Variants in ALDH16A1 observed in about 807,000 individuals in gnomAD.
ALDH16A1 encodes the protein aldehyde dehydrogenase family 16 member A1.
Under a neutral mutation model 96.1 loss-of-function variants are expected in ALDH16A1, and 88 were observed. The observed-to-expected ratio is 0.92, with a 90% CI of 0.77 to 1.09. The LOEUF (loss-of-function observed/expected upper bound fraction) is 1.09. Ranked by LOEUF, ALDH16A1 falls within the 50% of genes least tolerant of loss-of-function variation. The pLI, the probability that ALDH16A1 is intolerant of heterozygous loss-of-function variation, is 0.00. For missense variants in ALDH16A1, 1,250 were observed against 1,112.6 expected (o/e 1.12, Z -1.76); for synonymous variants, 522 against 496.4 (o/e 1.05, Z -0.69).
At position 49,464,204 on chromosome 19, in the gene ALDH16A1, C is replaced by A. The variant is rs1000334154; in HGVS notation, c.1272C>A (p.Arg424=). The change falls in exon 10 of 17, where the codon CGC becomes CGA. Residue 424 remains arginine (R), a synonymous_variant. Coordinates refer to ENST00000293350, the MANE Select transcript of ALDH16A1 (RefSeq NM_153329.4). ...TGTTGGTGGCCAACGGGACGCCCCG[C>A]GGGGGCAGCGCCAGTGTGTGGAGCG... is the stretch of plus-strand genomic sequence containing the variant. The part of the protein sequence containing the change: ...EALLVANGTP[R]GGSASVWSER... The A allele has an allele frequency of 6.2e-7, 1 of 1,605,912 alleles. No individual in the cohort carries two copies. The highest frequency in any genetic ancestry group is 8.5e-7 in the Non-Finnish European group (1 of 1,179,372).
rs891709700 is a variant in ALDH16A1, at chr19:49,468,035, C to T, written c.1939-346C>T. Among the ~76,000 whole-genome samples the T allele has an allele frequency of 5.9e-5, 9 of 151,486 alleles. No individual in the cohort carries two copies. Among genetic ancestry groups the T allele is most frequent in the Non-Finnish European group, 1.2e-4 (8 of 67,910 alleles). On this transcript the variant is annotated intron_variant, in intron 14 of 16. Transcript: ENST00000293350. This position sits in a 1 kb window ranked among gnomAD's most constrained non-coding sequence, Gnocchi z 4.4. ...ATTAGCCGGGCATGGTGGCAGGTGCCTGTAGTCTCAGCTACTCAGGAGACT... is the reference window on the plus strand; with the variant it reads ...ATTAGCCGGGCATGGTGGCAGGTGCTTGTAGTCTCAGCTACTCAGGAGACT...
chr19:49,459,821 G>A lies in ALDH16A1; in HGVS notation c.472G>A (p.Glu158Lys). The change falls in exon 4 of 17, where the codon GAG (glutamate) becomes AAG (lysine). Residue 158 changes from glutamate to lysine, a missense_variant. Physicochemically the swap from Glu to Lys is moderately conservative, Grantham distance 56. Coordinates refer to ENST00000293350, the MANE Select transcript of ALDH16A1 (RefSeq NM_153329.4). The surrounding 1 kb of genome is among the most constrained non-coding windows in gnomAD (Gnocchi z 4.1). Reference protein sequence around the residue: ...YHAIQASTQEEALAGWEPMGV... With the variant: ...YHAIQASTQEKALAGWEPMGV... ...TGCAATCCAGGCATCCACCCAGGAG[G>A]AGGCACTGGCAGGCTGGGAGCCCAT... The A allele has an allele frequency of 6.2e-7, 1 of 1,613,422 alleles. No individual in the cohort carries two copies. Among genetic ancestry groups the A allele is most frequent in the African/African-American group, 1.3e-5 (1 of 75,012 alleles).
chr19:49,459,658 C>A lies in ALDH16A1; in HGVS notation c.321-12C>A. ...CCGTTGGAAAATGAGCACCCTCTTG[C>A]TTTCTCGACAGGCTGGCCGAGGTGA... On this transcript the variant is annotated splice_polypyrimidine_tract_variant and intron_variant, in intron 3 of 16. Transcript: ENST00000293350. The surrounding 1 kb of genome is among the most constrained non-coding windows in gnomAD (Gnocchi z 4.1). The A allele has an allele frequency of 6.3e-7, 1 of 1,599,058 alleles. No homozygotes were observed. Among genetic ancestry groups the A allele is most frequent in the Non-Finnish European group, 8.5e-7 (1 of 1,172,810 alleles).
Position 49,468,782 on chromosome 19 carries a change from C to T in ALDH16A1, c.2125-82C>T. On this transcript the variant is annotated intron_variant, in intron 15 of 16. Coordinates refer to ENST00000293350, the MANE Select transcript of ALDH16A1 (RefSeq NM_153329.4). This position sits in a 1 kb window ranked among gnomAD's most constrained non-coding sequence, Gnocchi z 4.4. ...TCCTCCATGACCCCCCATCCCCTTCCCTCCCATGGGCACCCCCTGAATGCC... is the reference window on the plus strand; with the variant it reads ...TCCTCCATGACCCCCCATCCCCTTCTCTCCCATGGGCACCCCCTGAATGCC... 6.6e-7 allele frequency: 1 copy of T among 1,515,620 alleles called. No homozygotes were observed. Among genetic ancestry groups the T allele is most frequent in the Non-Finnish European group, 9.0e-7 (1 of 1,113,438 alleles). 93.9% of individuals were successfully genotyped at this position (1,515,620 alleles called of 1,614,324 possible). A position where few individuals can be genotyped will look rare whatever the true frequency, so the allele number is the denominator to read the frequency against.
At chr19:49,462,100 C>T in intron 7 of ALDH16A1, 64 bp downstream of exon 7, 9 of 1,461,236 alleles carry the variant, frequency 6.2e-6, no homozygotes, top group Non-Finnish European at 8.1e-6. Flanking sequence ...CTCCAGTCTT[C>T]GGGGTCCCGA....
Position 49,453,329 on chromosome 19 carries a change from G to T in ALDH16A1, c.-3G>T. On this transcript the variant is annotated 5_prime_UTR_variant, in exon 1 of 17. Coordinates refer to ENST00000293350, the MANE Select transcript of ALDH16A1 (RefSeq NM_153329.4). Reference sequence around the variant, plus strand: ...TCTTCGCGGAAAGCGTTCGGGGTAGGCGATGGCTGCGACGCGTGCAGGGCC... The same window carrying T: ...TCTTCGCGGAAAGCGTTCGGGGTAGTCGATGGCTGCGACGCGTGCAGGGCC... 1 of 1,562,366 alleles carries T rather than the reference G, an allele frequency of 6.4e-7. No individual in the cohort carries two copies.
chr19:49,459,647 G>T lies in ALDH16A1; in HGVS notation c.321-23G>T. The T allele has an allele frequency of 6.3e-7, 1 of 1,585,964 alleles. No individual in the cohort carries two copies. Among genetic ancestry groups the T allele is most frequent in the Non-Finnish European group, 8.6e-7 (1 of 1,166,354 alleles). ...AAGGCTGAGGGCCGTTGGAAAATGA[G>T]CACCCTCTTGCTTTCTCGACAGGCT... On this transcript the variant is annotated intron_variant, in intron 3 of 16. Coordinates refer to ENST00000293350, the MANE Select transcript of ALDH16A1 (RefSeq NM_153329.4). The surrounding 1 kb of genome is among the most constrained non-coding windows in gnomAD (Gnocchi z 4.1).
At chr19:49,463,795 G>T in intron 8 of ALDH16A1, 59 bp from the exon 9 acceptor site, 2 of 1,525,380 alleles carry the variant, frequency 1.3e-6, no homozygotes, top group Non-Finnish European at 1.8e-6. Flanking sequence ...GGGTCCTGCA[G>T]TCCTCGGTCT....
chr19:49,465,998 A>C, intron 13 of ALDH16A1, 84 bp from the exon 14 acceptor site: 3 of 1,541,034 alleles, frequency 1.9e-6, no homozygotes, highest in Non-Finnish European at 2.6e-6. Context: ...CTGGGCCCCC[A>C]GGGTAGGGGC....
At chr19:49,469,056 A>G (rs2079223673) in intron 16 of ALDH16A1, 70 bp downstream of exon 16, 1 of 1,548,778 alleles carries the variant, frequency 6.5e-7, no homozygotes, top group Non-Finnish European at 8.7e-7. Context: ...TTCTGGAAAC[A>G]CAGCCCCGCC....
At chr19:49,455,798 C>T (rs1343841857) in intron 1 of ALDH16A1, among the ~76,000 whole-genome samples, 2 of 152,288 alleles carry the variant, frequency 1.3e-5, no homozygotes, top group African/African-American at 2.4e-5. Context: ...ATTTCAGACC[C>T]GTGGTCTTGC....
rs2122374888 is a variant in ALDH16A1 at position 49,458,973 on chromosome 19, C to T, written c.207C>T (p.Ala69=). ...TTTTCTCCCCAGGAGAGAACTTGGC[C>T]AGTTGCCTGCAGGCACAGGCCGAGG... ...CQDPITGENL[A]SCLQAQAEDV... Residue 69 remains alanine (A), a synonymous_variant, in exon 3 of 17, where the codon GCC becomes GCT. Transcript: ENST00000293350. 1 of 1,613,072 alleles carries T rather than the reference C, an allele frequency of 6.2e-7. No homozygotes were observed. The highest frequency in any genetic ancestry group is 8.5e-7 in the Non-Finnish European group (1 of 1,179,622).
chr19:49,464,892 T>C (rs898724615), intron 12 of ALDH16A1, 130 bp downstream of exon 12: 5 of 1,424,944 alleles, frequency 3.5e-6, no homozygotes, highest in East Asian at 2.3e-5. Context: ...GAGTACCACG[T>C]TGTGGCCTCA....
At chr19:49,464,334 C>A in intron 10 of ALDH16A1, 71 bp downstream of exon 10, 2 of 1,572,088 alleles carry the variant, frequency 1.3e-6, no homozygotes, top group South Asian at 1.1e-5. Flanking sequence ...CTCCCTGGGT[C>A]GCTCCCCGCG....
intron 1 of ALDH16A1, among the ~76,000 whole-genome samples, chr19:49,455,045 G>A (rs894188906): frequency 2.7e-5 from 4 of 147,120 alleles, no homozygotes; most frequent in Admixed American, 2.7e-4. Flanking sequence ...TTGAATCCAG[G>A]AGGCAGAGGT....
intron 2 of ALDH16A1, 129 bp downstream of exon 2, chr19:49,458,717 G>C: frequency 8.8e-7 from 1 of 1,133,624 alleles, no homozygotes; most frequent in Non-Finnish European, 1.3e-6. Context: ...GATGGGCTGC[G>C]ATGTCTGGTT....
At position 49,470,298 on chromosome 19, in the gene ALDH16A1, C is replaced by T; in HGVS notation, c.2248-8C>T. 1 of 1,613,172 alleles carries T rather than the reference C, an allele frequency of 6.2e-7. No homozygotes were observed. The highest frequency in any genetic ancestry group is 1.1e-5 in the South Asian group (1 of 91,076). On this transcript the variant is annotated splice_polypyrimidine_tract_variant and splice_region_variant and intron_variant, in intron 16 of 16. Coordinates refer to ENST00000293350, the MANE Select transcript of ALDH16A1 (RefSeq NM_153329.4). ...GAAGTGCTTACCCCCGTCTCTTCCT[C>T]CCCTCAGGGTTCCCAGTTTGTCGAG...
chr19:49,457,117 AAAAG>A (rs1271780561), intron 1 of ALDH16A1, among the ~76,000 whole-genome samples: 13 of 151,730 alleles, frequency 8.6e-5, no homozygotes, highest in Non-Finnish European at 1.5e-4. Context: ...TCAAAAAAAA[AAAAG>A]AAAGAAGGGC....
rs114321852 is a variant in ALDH16A1 at position 49,458,416 on chromosome 19, A to T, written c.91-70A>T. On this transcript the variant is annotated intron_variant, in intron 1 of 16. Transcript: ENST00000293350. Reference sequence around the variant, plus strand: ...GGAGACAGACGTCCCCTCCTAGAGGATTCTGGGTAGGGGTTGAACTGCCCC... The same window carrying T: ...GGAGACAGACGTCCCCTCCTAGAGGTTTCTGGGTAGGGGTTGAACTGCCCC... The T allele has an allele frequency of 4.5e-3, 5,447 of 1,214,484 alleles. 179 individuals are homozygous for T. The African/African-American group carries it at 0.07, about 16-fold the overall frequency. 75.2% of individuals were successfully genotyped at this position (1,214,484 alleles called of 1,614,324 possible).
Sources: gnomAD v4.1 joint callset for allele counts (sites outside exome capture counted in the v4.1 genomes callset) on GRCh38, gnomAD v4.1.1 for gene constraint, Gnocchi (gnomAD v3.1) non-coding constraint, MANE v1.5 for transcripts, NCBI Gene and HGNC (gene_info 2026-07-23, HGNC 2026-07-21) for gene names.